GDAP1: variants seen among roughly 807,000 people sequenced by gnomAD.
The protein encoded by GDAP1 is ganglioside-induced differentiation-associated protein 1.
Under a neutral mutation model 40.1 loss-of-function variants are expected in GDAP1, and 34 were observed. That is an observed-to-expected ratio of 0.85 (90% CI 0.64 to 1.13). The LOEUF is 1.13. Among genes scored for constraint, GDAP1 ranks in the 50% most tolerant of loss-of-function variants. The pLI is 0.00. For missense variants in GDAP1, 374 were observed against 433.7 expected, an observed-to-expected ratio of 0.86 and a Z score of 1.22; for synonymous variants, 170 against 157.4, an observed-to-expected ratio of 1.08 and a Z score of -0.60.
intron 2 of GDAP1, among the ~76,000 whole-genome samples, chr8:74,387,149 C>G (rs543842635): frequency 6.6e-6 from 1 of 152,298 alleles, no homozygotes; most frequent in Non-Finnish European, 1.5e-5. Flanking sequence ...TACTTTCTCT[C>G]TCCCTATTTG....
At chr8:74,471,645 A>G (rs549690030) in intron 2 of GDAP1, among the ~76,000 whole-genome samples, 3 of 152,174 alleles carry the variant, frequency 2.0e-5, no homozygotes, top group African/African-American at 7.2e-5. Context: ...ATGACATTTA[A>G]TTTTCATTAC....
Position 74,452,241 on chromosome 8 carries a change from C to T in GDAP1, c.166-36437C>T, listed in dbSNP as rs369424824. 3.8e-4 allele frequency among the ~76,000 whole-genome samples: 32 copies of T among 83,388 alleles called. 13 individuals are homozygous for T. The highest frequency in any genetic ancestry group is 2.7e-3 in the South Asian group (5 of 1,848). The allele number at this position is 83,388 out of a possible 152,430, so 54.7% of individuals were successfully genotyped here. Reference sequence around the variant, plus strand: ...CTGGGATTACAGGCATGAGCCACTTCGCCCAGCTGCTGTTCTTTATTTTTA... The same window carrying T: ...CTGGGATTACAGGCATGAGCCACTTTGCCCAGCTGCTGTTCTTTATTTTTA... On this transcript the variant is annotated intron_variant, in intron 2 of 2. Transcript: ENST00000523640.
intron 2 of GDAP1, among the ~76,000 whole-genome samples, chr8:74,481,749 C>A (rs572488789): frequency 5.9e-5 from 9 of 152,124 alleles, no homozygotes; most frequent in Non-Finnish European, 1.2e-4. Flanking sequence ...CTTCTCTTCT[C>A]TTGAATAATT....
chr8:74,485,874 G>A (rs2128721978), intron 2 of GDAP1, among the ~76,000 whole-genome samples: 1 of 152,256 alleles, frequency 6.6e-6, no homozygotes, highest in East Asian at 1.9e-4. Flanking sequence ...GTGGTGTCCA[G>A]AGCCCAAGAA....
chr8:74,477,564 C>T (rs1003274905), intron 2 of GDAP1, among the ~76,000 whole-genome samples: 1 of 152,028 alleles, frequency 6.6e-6, no homozygotes, highest in Non-Finnish European at 1.5e-5. Context: ...GGCCAAGGCT[C>T]AGCTCAGGAC....
intron 2 of GDAP1, among the ~76,000 whole-genome samples, chr8:74,462,592 A>T (rs1338118807): frequency 6.6e-6 from 1 of 152,220 alleles, no homozygotes; most frequent in African/African-American, 2.4e-5. Flanking sequence ...CCAAATAGAC[A>T]TTAATGATCA....
intron 2 of GDAP1, among the ~76,000 whole-genome samples, chr8:74,411,039 A>G (rs1805702570): frequency 6.7e-6 from 1 of 149,590 alleles, no homozygotes; most frequent in South Asian, 2.1e-4. Flanking sequence ...GTGAGTTCTT[A>G]TGAGATCTGA....
At position 74,416,446 on chromosome 8, in the gene GDAP1, C is replaced by T. The variant is rs376630524; in HGVS notation, c.165+65125C>T. On this transcript the variant is annotated intron_variant, in intron 2 of 2. Transcript: ENST00000523640. ...CAGTGCCCAGGAAAGAGAAAACTTT[C>T]GCTGAAGCTGAACCTCAGCTATCAT... 4.0e-5 allele frequency among the ~76,000 whole-genome samples: 6 copies of T among 150,262 alleles called. 1 individual carries two copies. Among genetic ancestry groups the T allele is most frequent in the African/African-American group, 1.5e-4 (6 of 39,530 alleles).
At chr8:74,438,733 T>A (rs1378527892) in intron 2 of GDAP1, among the ~76,000 whole-genome samples, 1 of 152,158 alleles carries the variant, frequency 6.6e-6, no homozygotes, top group Non-Finnish European at 1.5e-5. Flanking sequence ...CCCAAGTGGC[T>A]GAGACTACAG....
chr8:74,482,547 CAAAAA>C (rs1230268195), intron 2 of GDAP1, among the ~76,000 whole-genome samples: 1 of 151,944 alleles, frequency 6.6e-6, no homozygotes. Flanking sequence ...AAAAATGAAA[CAAAAA>C]ATGTTTAGAT....
At chr8:74,381,457 T>TA (rs760245359) in intron 2 of GDAP1, among the ~76,000 whole-genome samples, 4 of 151,722 alleles carry the variant, frequency 2.6e-5, no homozygotes, top group East Asian at 1.9e-4. Flanking sequence ...TTTATTTATG[T>TA]AAAAAAAAGT....
At chr8:74,356,658 T>TTG (rs1563440182) in intron 2 of GDAP1, among the ~76,000 whole-genome samples, 1 of 92,330 alleles carries the variant, frequency 1.1e-5, no homozygotes, top group Non-Finnish European at 2.4e-5. Context: ...TAATATTATT[T>TTG]AGTGTGTGTG....
intron 2 of GDAP1, among the ~76,000 whole-genome samples, chr8:74,442,254 C>T (rs1419052627): frequency 6.6e-6 from 1 of 152,200 alleles, no homozygotes; most frequent in Admixed American, 6.5e-5. Flanking sequence ...CTAAGTTCTT[C>T]CTTATAGCAA....
intron 2 of GDAP1, among the ~76,000 whole-genome samples, chr8:74,389,469 A>C (rs539080701): frequency 6.6e-6 from 1 of 152,136 alleles, no homozygotes; most frequent in Non-Finnish European, 1.5e-5. Flanking sequence ...TTCTGGGGTG[A>C]AAATTCTTTT....
chr8:74,442,636 T>C lies in GDAP1; in HGVS notation c.166-46042T>C, dbSNP rs760496146. Among the ~76,000 whole-genome samples, 46 of 152,208 alleles carry C rather than the reference T, an allele frequency of 3.0e-4. 2 individuals carry two copies. Among genetic ancestry groups the C allele is most frequent in the Non-Finnish European group, 5.9e-5 (4 of 68,034 alleles). On this transcript the variant is annotated intron_variant, in intron 2 of 2. Transcript: ENST00000523640. ...ATTTAGAGAAGAAATTGAAAAAGAC[T>C]TCCTTGAAACAGTGTGTTCTCTACT...
chr8:74,389,574 G>A (rs1036286796), intron 2 of GDAP1, among the ~76,000 whole-genome samples: 1 of 152,106 alleles, frequency 6.6e-6, no homozygotes, highest in African/African-American at 2.4e-5. Context: ...TCCCTTTGTA[G>A]GTAACCTGTC....
At chr8:74,468,486 CACACACACACA>C (rs1806502062) in intron 2 of GDAP1, among the ~76,000 whole-genome samples, 1 of 50,138 alleles carries the variant, frequency 2.0e-5, no homozygotes, top group Non-Finnish European at 4.5e-5. Flanking sequence ...CATACACACA[CACACACACACA>C]CACACACACA....
At chr8:74,380,565 T>C (rs1350153231) in intron 2 of GDAP1, among the ~76,000 whole-genome samples, 2 of 151,984 alleles carry the variant, frequency 1.3e-5, no homozygotes, top group African/African-American at 2.4e-5. Flanking sequence ...TTCCTTTATA[T>C]ATGCAAAATA....
At chr8:74,473,686 C>T (rs1351444418) in intron 2 of GDAP1, among the ~76,000 whole-genome samples, 3 of 152,162 alleles carry the variant, frequency 2.0e-5, no homozygotes, top group Non-Finnish European at 2.9e-5. Context: ...GTACCACTGC[C>T]ATGCTGTCTT....
Sources: allele counts gnomAD v4.1 joint callset (sites outside exome capture counted in the v4.1 genomes callset), GRCh38; gene constraint gnomAD v4.1.1; transcripts MANE v1.5; gene names NCBI Gene and HGNC (gene_info 2026-07-23, HGNC 2026-07-21).